Variants in ADAMTS16 observed in about 807,000 individuals in gnomAD.
The protein encoded by ADAMTS16 is A disintegrin and metalloproteinase with thrombospondin motifs 16.
Under a neutral mutation model 145.8 loss-of-function variants are expected in ADAMTS16, and 94 were observed. The ratio of observed to expected loss-of-function variants is 0.64; its 90% CI spans 0.55 to 0.77. The LOEUF is 0.77. ADAMTS16 is among the 30% of genes least tolerant of loss of function. The probability of loss-of-function intolerance (pLI) is 0.00; values close to 1 mark genes in which losing one functional copy is unlikely to be tolerated. For missense variants in ADAMTS16, 1,585 were observed against 1,591.5 expected, an observed-to-expected ratio of 1.00 and a Z score of 0.07; for synonymous variants, 659 against 604.3, an observed-to-expected ratio of 1.09 and a Z score of -1.33.
intron 9 of ADAMTS16, among the ~76,000 whole-genome samples, chr5:5,204,294 C>T (rs1279348706): frequency 6.6e-6 from 1 of 152,128 alleles, no homozygotes; most frequent in Non-Finnish European, 1.5e-5. Flanking sequence ...ATACTTTTGA[C>T]CTTCCTTAAT....
intron 3 of ADAMTS16, among the ~76,000 whole-genome samples, chr5:5,149,294 G>A (rs1442028838): frequency 6.6e-6 from 1 of 152,114 alleles, no homozygotes; most frequent in Non-Finnish European, 1.5e-5. Flanking sequence ...TGTCATTAGA[G>A]ATCTGTTTGT....
chr5:5,272,528 A>AT (rs549259960), intron 18 of ADAMTS16, among the ~76,000 whole-genome samples: 11,220 of 148,626 alleles, frequency 0.075, 1,059 homozygotes, highest in African/African-American at 0.22. Flanking sequence ...CGCCTGGCTA[A>AT]TTTTTTTTTT....
intron 18 of ADAMTS16, among the ~76,000 whole-genome samples, chr5:5,289,809 C>T (rs926666347): frequency 1.3e-5 from 2 of 152,156 alleles, no homozygotes; most frequent in African/African-American, 4.8e-5. Flanking sequence ...AGATCTCCAC[C>T]GGCCTGAAAT....
At chr5:5,166,460 T>G (rs1734884766) in intron 3 of ADAMTS16, among the ~76,000 whole-genome samples, 1 of 152,160 alleles carries the variant, frequency 6.6e-6, no homozygotes, top group East Asian at 1.9e-4. Context: ...TGGAGGGTCT[T>G]GAGCTCCCAG....
intron 12 of ADAMTS16, among the ~76,000 whole-genome samples, chr5:5,233,692 A>G (rs1737007738): frequency 6.6e-6 from 1 of 152,146 alleles, no homozygotes; most frequent in Non-Finnish European, 1.5e-5. Flanking sequence ...TTATGGCTGC[A>G]TGGTATTCCA....
intron 18 of ADAMTS16, among the ~76,000 whole-genome samples, chr5:5,286,942 A>G (rs2126481623): frequency 6.6e-6 from 1 of 151,862 alleles, no homozygotes; most frequent in South Asian, 2.1e-4. Context: ...TGGGAAAAAG[A>G]TTCAACCAAT....
At chr5:5,205,218 T>C (rs1736064660) in intron 9 of ADAMTS16, among the ~76,000 whole-genome samples, 1 of 152,152 alleles carries the variant, frequency 6.6e-6, no homozygotes, top group African/African-American at 2.4e-5. Context: ...ACACTTTTAA[T>C]GGTGCCTTTT....
intron 17 of ADAMTS16, among the ~76,000 whole-genome samples, chr5:5,257,104 C>G (rs967054125): frequency 1.3e-5 from 2 of 152,222 alleles, no homozygotes; most frequent in Non-Finnish European, 1.5e-5. Context: ...CCCTAGTTAG[C>G]AAGTGGAAAG....
intron 9 of ADAMTS16, 34 bp downstream of exon 9, chr5:5,200,303 CG>C: frequency 1.9e-6 from 3 of 1,611,512 alleles, no homozygotes; most frequent in Non-Finnish European, 8.5e-7. Flanking sequence ...TGTGATCTTT[CG>C]GGGCCTTTGA....
At chr5:5,276,015 T>C (rs1170690139) in intron 18 of ADAMTS16, among the ~76,000 whole-genome samples, 1 of 152,166 alleles carries the variant, frequency 6.6e-6, no homozygotes, top group African/African-American at 2.4e-5. Context: ...TGCACCATCA[T>C]GCTCAGCTGA....
chr5:5,248,017 C>T (rs750899903), intron 17 of ADAMTS16, among the ~76,000 whole-genome samples: 14 of 152,196 alleles, frequency 9.2e-5, no homozygotes, highest in Non-Finnish European at 1.5e-4. Flanking sequence ...TCCTGTAATG[C>T]GCATGCATGA....
rs1258193173 is a variant in ADAMTS16 at position 5,306,670 on chromosome 5, C to G, written c.3353C>G (p.Pro1118Arg). The G allele has an allele frequency of 6.2e-7, 1 of 1,613,970 alleles. No individual in the cohort carries two copies. The highest frequency in any genetic ancestry group is 1.7e-5 in the Admixed American group (1 of 60,010). Residue 1118 changes from proline to arginine, a missense_variant, in exon 21 of 23, where the codon CCC (proline) becomes CGC (arginine). This residue lies in a region of ADAMTS16 where 834 missense variants were observed against 811.7 expected (regional missense o/e 1.03). Transcript: ENST00000274181. ...ACAPLPCPRH[P>R]PFAAAGPSRG... The stretch of plus-strand genomic sequence containing the variant: ...GCCCCGCTTCCATGCCCCAGGCACC[C>G]CCCATTTGCTGCTGCGGGACCCTCG...
At chr5:5,279,275 A>G (rs1249931842) in intron 18 of ADAMTS16, among the ~76,000 whole-genome samples, 1 of 152,200 alleles carries the variant, frequency 6.6e-6, no homozygotes, top group African/African-American at 2.4e-5. Flanking sequence ...CTCAGCTAAC[A>G]AAGAGTTAGA....
At chr5:5,148,642 T>C (rs751593554) in intron 3 of ADAMTS16, among the ~76,000 whole-genome samples, 2 of 152,194 alleles carry the variant, frequency 1.3e-5, no homozygotes, top group Admixed American at 6.5e-5. Flanking sequence ...AAGTGAATCA[T>C]TGAGGTGTTG....
intron 16 of ADAMTS16, 106 bp downstream of exon 16, chr5:5,240,031 TA>T (rs1737240069): frequency 6.7e-7 from 1 of 1,496,710 alleles, no homozygotes; most frequent in South Asian, 1.3e-5. Flanking sequence ...TAAACAGTTA[TA>T]AAAAGAGTGA....
At chr5:5,143,500 G>A (rs1734218256) in intron 2 of ADAMTS16, among the ~76,000 whole-genome samples, 1 of 152,216 alleles carries the variant, frequency 6.6e-6, no homozygotes, top group Admixed American at 6.5e-5. Context: ...AGAGGATGTG[G>A]AGAAATAGGA....
At chr5:5,202,526 G>A (rs1735989657) in intron 9 of ADAMTS16, among the ~76,000 whole-genome samples, 1 of 152,104 alleles carries the variant, frequency 6.6e-6, no homozygotes, top group Non-Finnish European at 1.5e-5. Context: ...GCTGTTTCTT[G>A]CAGCTGTTCA....
chr5:5,248,233 G>A (rs879364299), intron 17 of ADAMTS16, among the ~76,000 whole-genome samples: 7 of 152,150 alleles, frequency 4.6e-5, no homozygotes, highest in Non-Finnish European at 7.4e-5. Context: ...TTATGGAAAA[G>A]TCAGCAATTT....
intron 7 of ADAMTS16, among the ~76,000 whole-genome samples, chr5:5,190,860 T>C (rs1735646453): frequency 6.6e-6 from 1 of 152,120 alleles, no homozygotes; most frequent in Admixed American, 6.5e-5. Flanking sequence ...ACTCAGGTTG[T>C]AGGATGGTTC....
Sources: allele counts gnomAD v4.1 joint callset (sites outside exome capture counted in the v4.1 genomes callset), GRCh38; gene constraint gnomAD v4.1.1; regional missense constraint gnomAD v4.1.1; transcripts MANE v1.5; gene names NCBI Gene and HGNC (gene_info 2026-07-23, HGNC 2026-07-21).